CDH9: variants seen among roughly 807,000 people sequenced by gnomAD.
CDH9 encodes cadherin-9.
A neutral mutation model predicts 70.9 loss-of-function variants in CDH9; 28 were observed. That is an observed-to-expected ratio of 0.40 (90% CI 0.29 to 0.54). The LOEUF is 0.54. Among genes scored for constraint, CDH9 ranks in the 20% least tolerant of loss-of-function variants. The pLI, the probability that CDH9 is intolerant of heterozygous loss-of-function variation, is 0.59. For missense variants in CDH9, 874 were observed against 984.4 expected (o/e 0.89, Z 1.50); for synonymous variants, 409 against 343.1 (o/e 1.19, Z -2.12).
chr5:26,903,670 C>T lies in CDH9; in HGVS notation c.966G>A (p.Lys322=). Residue 322 remains lysine (K), a synonymous_variant, in exon 6 of 12, where the codon AAG becomes AAA. Coordinates refer to ENST00000231021, the MANE Select transcript of CDH9 (RefSeq NM_016279.4). ...CAGTTATAATCCCTTCCTGTGTATC[C>T]TTGTCAGTGATGACATCGAACATGT... The part of the protein sequence containing the change: ...GADMFDVITD[K]DTQEGIITVK... The T allele has an allele frequency of 6.2e-7, 1 of 1,610,080 alleles. No individual in the cohort carries two copies. Among genetic ancestry groups the T allele is most frequent in the Non-Finnish European group, 8.5e-7 (1 of 1,176,506 alleles).
intron 7 of CDH9, among the ~76,000 whole-genome samples, chr5:26,892,006 T>C (rs1011012162): frequency 2.0e-5 from 3 of 152,114 alleles, no homozygotes; most frequent in Non-Finnish European, 4.4e-5. Flanking sequence ...AATATGGCCC[T>C]GTTCACACCG....
At chr5:27,002,837 G>A (rs1742794591) in intron 1 of CDH9, among the ~76,000 whole-genome samples, 1 of 151,916 alleles carries the variant, frequency 6.6e-6, no homozygotes, top group Non-Finnish European at 1.5e-5. Context: ...GTTACTGGGT[G>A]CAGCACACCA....
chr5:26,915,227 A>T (rs910852514), intron 3 of CDH9, among the ~76,000 whole-genome samples: 1 of 152,040 alleles, frequency 6.6e-6, no homozygotes, highest in African/African-American at 2.4e-5. Context: ...GATCAAATGA[A>T]AAAACACTTC....
Position 26,881,580 on chromosome 5 carries a change from C to CT in CDH9, c.1925dup (p.Glu643GlyfsTer20), listed in dbSNP as rs1740465587. On this transcript the variant is annotated frameshift_variant, in exon 12 of 12. Transcript: ENST00000231021. LOFTEE classifies it high-confidence loss of function. ...CGTCTTTTGAAATTATCAGAGGTTC[C>CT]TTTTTTCTTTGCCTCTTCAATGCAG... 1 of 1,612,102 alleles carries CT rather than the reference C, an allele frequency of 6.2e-7. No individual in the cohort carries two copies. The highest frequency in any genetic ancestry group is 1.3e-5 in the African/African-American group (1 of 74,666).
chr5:26,999,949 A>T (rs1343321210), intron 1 of CDH9, among the ~76,000 whole-genome samples: 1 of 152,010 alleles, frequency 6.6e-6, no homozygotes, highest in Non-Finnish European at 1.5e-5. Context: ...TTTAGAAAAA[A>T]CTCAAAATGC....
At chr5:27,025,734 G>A (rs1194186984) in intron 1 of CDH9, among the ~76,000 whole-genome samples, 2 of 152,014 alleles carry the variant, frequency 1.3e-5, no homozygotes, top group African/African-American at 2.4e-5. Context: ...GGCGACATTT[G>A]AGAGAAGTCT....
In CDH9 at chr5:26,882,337, G is replaced by C. The variant is rs148913043; in HGVS notation, c.1883-714C>G. On this transcript the variant is annotated intron_variant, in intron 11 of 11. Transcript: ENST00000231021. ...AATGAGGACTTCCTTGACATACAAG[G>C]TCCGATTTAAGCTTTTGGAATGAAA... 2.8e-3 allele frequency among the ~76,000 whole-genome samples: 422 copies of C among 152,060 alleles called. 1 individual carries two copies. Among genetic ancestry groups the C allele is most frequent in the African/African-American group, 9.5e-3 (393 of 41,506 alleles).
At chr5:27,001,252 T>C (rs1367589046) in intron 1 of CDH9, among the ~76,000 whole-genome samples, 2 of 152,148 alleles carry the variant, frequency 1.3e-5, no homozygotes, top group African/African-American at 2.4e-5. Flanking sequence ...GAAAACATGC[T>C]GGCGTAAGTA....
chr5:26,906,947 A>T, intron 3 of CDH9, 109 bp from the exon 4 acceptor site: 1 of 1,326,494 alleles, frequency 7.5e-7, no homozygotes. Context: ...ACGATGTTGT[A>T]TGTTTGAAGA....
In CDH9 at chr5:26,906,940, A is replaced by G. The variant is rs1013648381; in HGVS notation, c.524-102T>C. 13 of 1,336,922 alleles carry G rather than the reference A, an allele frequency of 9.7e-6. No homozygotes were observed. In the African/African-American group the frequency reaches 1.8e-4, roughly 19 times the overall value. The allele number at this position is 1,336,922 out of a possible 1,614,324, so 82.8% of individuals were successfully genotyped here. On this transcript the variant is annotated intron_variant, in intron 3 of 11. Transcript: ENST00000231021. ...TGCTCTCAGTGTTTTGTATTAGACG[A>G]TGTTGTATGTTTGAAGAAATTTATT...
chr5:26,883,700 G>A (rs370568636), intron 11 of CDH9, among the ~76,000 whole-genome samples: 3 of 151,956 alleles, frequency 2.0e-5, no homozygotes, highest in African/African-American at 4.8e-5. Context: ...TTGTGTAAGC[G>A]TATTTCCTTT....
chr5:26,954,086 G>A (rs1018818580), intron 2 of CDH9, among the ~76,000 whole-genome samples: 1 of 151,988 alleles, frequency 6.6e-6, no homozygotes, highest in Non-Finnish European at 1.5e-5. Context: ...TTCTCTGCTC[G>A]GTCATTAAAC....
intron 11 of CDH9, among the ~76,000 whole-genome samples, chr5:26,882,955 T>A (rs1243199198): frequency 1.3e-5 from 2 of 148,426 alleles, no homozygotes; most frequent in Admixed American, 6.9e-5. Context: ...TAACTGAAAG[T>A]AAGATTTTAT....
intron 2 of CDH9, among the ~76,000 whole-genome samples, chr5:26,940,742 A>G (rs1208824695): frequency 1.3e-5 from 2 of 152,238 alleles, no homozygotes; most frequent in Non-Finnish European, 2.9e-5. Context: ...AAGACAAACA[A>G]CATAGAACAG....
At chr5:27,023,839 G>T (rs902973158) in intron 1 of CDH9, among the ~76,000 whole-genome samples, 1 of 151,876 alleles carries the variant, frequency 6.6e-6, no homozygotes, top group African/African-American at 2.4e-5. Flanking sequence ...ATCACCTGAG[G>T]TCAGGAGTTC....
chr5:26,892,991 C>T (rs1216906636), intron 7 of CDH9, among the ~76,000 whole-genome samples: 2 of 152,090 alleles, frequency 1.3e-5, no homozygotes, highest in African/African-American at 4.8e-5. Context: ...CCTTGGCCTC[C>T]CAAAGTGCTA....
chr5:26,932,313 A>G (rs1471156323), intron 2 of CDH9, among the ~76,000 whole-genome samples: 1 of 152,100 alleles, frequency 6.6e-6, no homozygotes, highest in African/African-American at 2.4e-5. Flanking sequence ...AATTTAATAG[A>G]CAAAAAGAGT....
chr5:27,020,472 A>T (rs1211514280), intron 1 of CDH9, among the ~76,000 whole-genome samples: 3 of 151,606 alleles, frequency 2.0e-5, no homozygotes, highest in African/African-American at 7.2e-5. Context: ...AAATTAACCA[A>T]ATGTGATGAT....
Position 26,885,861 on chromosome 5 carries a change from A to G in CDH9, c.1635T>C (p.Asn545=), listed in dbSNP as rs750789685. ...CTTTCCGAGTCATGATTCCTGCTGT[A>G]TTATCTGGGGGAGAAAACATGTAAA... The part of the protein sequence containing the change: ...PNFTIVDNKD[N]TAGIMTRKDG... Residue 545 remains asparagine (N), a synonymous_variant, in exon 11 of 12, where the codon AAT becomes AAC. Transcript: ENST00000231021. The G allele has an allele frequency of 1.5e-5, 24 of 1,613,520 alleles. No homozygotes were observed. Among genetic ancestry groups the G allele is most frequent in the Non-Finnish European group, 2.0e-5 (24 of 1,179,712 alleles).
Sources: allele counts gnomAD v4.1 joint callset (sites outside exome capture counted in the v4.1 genomes callset), GRCh38; gene constraint gnomAD v4.1.1; transcripts MANE v1.5; gene names NCBI Gene and HGNC (gene_info 2026-07-23, HGNC 2026-07-21).